Variants in COL28A1 observed in about 807,000 individuals in gnomAD.
The protein encoded by COL28A1 is collagen alpha-1(XXVIII) chain.
In COL28A1, 161 loss-of-function variants were observed where a neutral mutation model predicts 150.2. That is an observed-to-expected ratio of 1.07 (90% CI 0.94 to 1.22). COL28A1 has a LOEUF of 1.22. Among genes scored for constraint, COL28A1 ranks in the 50% most tolerant of loss-of-function variants. The pLI, the probability that COL28A1 is intolerant of heterozygous loss-of-function variation, is 0.00. For missense variants in COL28A1, 1,617 were observed against 1,388.3 expected (o/e 1.16, Z -2.62); for synonymous variants, 552 against 469.7 (o/e 1.18, Z -2.26).
intron 27 of COL28A1, among the ~76,000 whole-genome samples, chr7:7,393,647 T>G (rs1213880943): frequency 1.3e-5 from 2 of 152,138 alleles, no homozygotes; most frequent in East Asian, 1.9e-4. Flanking sequence ...AGATATGCCC[T>G]GACCAGAGAG....
intron 5 of COL28A1, 56 bp from the exon 6 acceptor site, chr7:7,520,171 C>A: frequency 1.2e-6 from 1 of 816,948 alleles, no homozygotes; most frequent in Non-Finnish European, 2.1e-6. Context: ...GTTTTCTATA[C>A]TTTATAATAA....
rs1406173283 is a variant in COL28A1, at chr7:7,378,165, A to C, written c.2322+2495T>G. ...GCAGGAGGCAGATTTAAGAAATGCC[A>C]ATGTACAGTTGGCTGTTAAAACAGG... On this transcript the variant is annotated intron_variant, in intron 30 of 34. Transcript: ENST00000399429. 1.3e-5 allele frequency among the ~76,000 whole-genome samples: 2 copies of C among 152,210 alleles called. 1 individual carries two copies. Among genetic ancestry groups the C allele is most frequent in the Non-Finnish European group, 2.9e-5 (2 of 68,040 alleles).
At chr7:7,476,044 G>T (rs1194829251) in intron 14 of COL28A1, among the ~76,000 whole-genome samples, 1 of 152,026 alleles carries the variant, frequency 6.6e-6, no homozygotes, top group African/African-American at 2.4e-5. Context: ...ATTGAATATC[G>T]ATCATGGTGG....
chr7:7,343,975 C>A, the COL28A1 span, among the ~76,000 whole-genome samples: 1 of 151,734 alleles, frequency 6.6e-6, no homozygotes, highest in East Asian at 1.9e-4. Flanking sequence ...ACTACTGCCT[C>A]CAGCTGGGTG....
chr7:7,435,255 A>AG (rs1374502135), intron 23 of COL28A1, among the ~76,000 whole-genome samples: 1 of 152,234 alleles, frequency 6.6e-6, no homozygotes, highest in African/African-American at 2.4e-5. Flanking sequence ...GTGAATACAC[A>AG]GCTTCAATCT....
chr7:7,400,163 T>C (rs1357572754), intron 27 of COL28A1, among the ~76,000 whole-genome samples: 2 of 152,212 alleles, frequency 1.3e-5, no homozygotes, highest in Non-Finnish European at 2.9e-5. Context: ...GGCTAAACAG[T>C]GGCCCCTAGA....
intron 14 of COL28A1, 47 bp from the exon 15 acceptor site, chr7:7,474,716 T>C: frequency 1.1e-6 from 1 of 870,184 alleles, no homozygotes; most frequent in Admixed American, 1.8e-5. Context: ...AAAATCTGAA[T>C]TTTAAAAGAG....
intron 19 of COL28A1, among the ~76,000 whole-genome samples, chr7:7,443,986 G>A (rs993310462): frequency 2.1e-5 from 2 of 95,546 alleles, no homozygotes; most frequent in African/African-American, 8.0e-5. Context: ...TCCATCTGCT[G>A]TTTTTTTTTT....
chr7:7,410,182 G>A (rs1221201839), intron 27 of COL28A1, among the ~76,000 whole-genome samples: 2 of 152,126 alleles, frequency 1.3e-5, no homozygotes, highest in African/African-American at 2.4e-5. Context: ...GCCCTGATGT[G>A]TACTACCCTA....
chr7:7,377,858 T>C (rs907917806), intron 30 of COL28A1, among the ~76,000 whole-genome samples: 3 of 142,372 alleles, frequency 2.1e-5, no homozygotes, highest in Non-Finnish European at 4.5e-5. Flanking sequence ...TAGTAATGGA[T>C]GAGGAGGACA....
intron 21 of COL28A1, among the ~76,000 whole-genome samples, chr7:7,440,351 T>C (rs1785677110): frequency 6.6e-6 from 1 of 152,238 alleles, no homozygotes; most frequent in African/African-American, 2.4e-5. Flanking sequence ...TTTCTATAAT[T>C]GAAGCGACTT....
intron 27 of COL28A1, among the ~76,000 whole-genome samples, chr7:7,388,201 C>T (rs1203556940): frequency 1.3e-5 from 2 of 151,772 alleles, no homozygotes; most frequent in Non-Finnish European, 2.9e-5. Flanking sequence ...TGTGATGTTC[C>T]CCTCCCTGTA....
Position 7,521,896 on chromosome 7 carries a change from T to G in COL28A1, c.759+9A>C. The G allele has an allele frequency of 1.0e-6, 1 of 994,052 alleles. No individual in the cohort carries two copies. The highest frequency in any genetic ancestry group is 1.6e-6 in the Non-Finnish European group (1 of 612,864). The allele number at this position is 994,052 out of a possible 1,614,324, so 61.6% of individuals were successfully genotyped here. Reference sequence around the variant, plus strand: ...TTCTGACTTAAGTTCAAAGTGGAAGTATACTCACAGGAGGCCCTGGATCAC... The same window carrying G: ...TTCTGACTTAAGTTCAAAGTGGAAGGATACTCACAGGAGGCCCTGGATCAC... On this transcript the variant is annotated intron_variant, in intron 5 of 34. Transcript: ENST00000399429.
chr7:7,456,304 AT>A, intron 15 of COL28A1, among the ~76,000 whole-genome samples, 192 bp from the exon 16 acceptor site: 1 of 152,280 alleles, frequency 6.6e-6, no homozygotes, highest in South Asian at 2.1e-4. Flanking sequence ...AGTAAATGAC[AT>A]TTTTGCTATT....
At chr7:7,522,026 A>T (rs1781754907) in intron 4 of COL28A1, 65 bp from the exon 5 acceptor site, 3 of 821,934 alleles carry the variant, frequency 3.6e-6, no homozygotes, top group Non-Finnish European at 6.5e-6. Context: ...AGCATTTCAA[A>T]TTGTATTTCA....
intron 20 of COL28A1, among the ~76,000 whole-genome samples, chr7:7,442,052 T>C (rs1785839237): frequency 6.6e-6 from 1 of 152,222 alleles, no homozygotes; most frequent in Non-Finnish European, 1.5e-5. Flanking sequence ...CAATTACATG[T>C]AATAAATCGC....
At chr7:7,524,850 G>T (rs1209664859) in intron 3 of COL28A1, among the ~76,000 whole-genome samples, 1 of 152,018 alleles carries the variant, frequency 6.6e-6, no homozygotes. Flanking sequence ...ACTAGGGGAG[G>T]AGTTTTCTAT....
chr7:7,526,110 G>T (rs966040623), intron 3 of COL28A1, among the ~76,000 whole-genome samples: 11 of 152,216 alleles, frequency 7.2e-5, no homozygotes, highest in African/African-American at 2.7e-4. Context: ...TAGAACATTT[G>T]GTTATGCCTA....
At chr7:7,361,291 T>A (rs1196108088) in intron 33 of COL28A1, among the ~76,000 whole-genome samples, 1 of 55,470 alleles carries the variant, frequency 1.8e-5, no homozygotes, top group Non-Finnish European at 4.0e-5. Flanking sequence ...AAGAAAGGCA[T>A]TTTACTTTTT....
Sources: allele counts gnomAD v4.1 joint callset (sites outside exome capture counted in the v4.1 genomes callset), GRCh38; gene constraint gnomAD v4.1.1; transcripts MANE v1.5; gene names NCBI Gene and HGNC (gene_info 2026-07-23, HGNC 2026-07-21).